The following CNTNAP5 variants were observed in gnomAD, a reference collection of about 807,000 sequenced individuals.
CNTNAP5 encodes the protein contactin-associated protein-like 5.
In CNTNAP5, 72 loss-of-function variants were observed where a neutral mutation model predicts 150.2. The observed-to-expected ratio is 0.48, with a 90% CI of 0.40 to 0.58. The LOEUF is 0.58. Among genes scored for constraint, CNTNAP5 ranks in the 20% least tolerant of loss-of-function variants. CNTNAP5 has a pLI of 0.00. For synonymous variants in CNTNAP5, 672 were observed against 619.8 expected (o/e 1.08, Z -1.25); for missense variants, 1,636 against 1,626.2 (o/e 1.01, Z -0.10).
At position 124,846,276 on chromosome 2, in the gene CNTNAP5, T is replaced by A. The variant is rs193213443; in HGVS notation, c.3218-19030T>A. 4.5e-4 allele frequency among the ~76,000 whole-genome samples: 69 copies of A among 152,202 alleles called. No individual in the cohort carries two copies. In the East Asian group the frequency reaches 5.2e-3, roughly 12 times the overall value. ...ATTTCATTGGTGGCTTTGTTCATTT[T>A]AAAAAAAATTTTTTTGTCTTTGTTG... is the stretch of plus-strand genomic sequence containing the variant. On this transcript the variant is annotated intron_variant, in intron 19 of 23. Transcript: ENST00000682447.
At chr2:124,729,465 TA>T in intron 13 of CNTNAP5, among the ~76,000 whole-genome samples, 1 of 152,070 alleles carries the variant, frequency 6.6e-6, no homozygotes, top group Non-Finnish European at 1.5e-5. Context: ...TCTGACTAGG[TA>T]AAAAGCATTA....
intron 3 of CNTNAP5, among the ~76,000 whole-genome samples, chr2:124,331,061 T>A (rs1689337911): frequency 6.6e-6 from 1 of 152,122 alleles, no homozygotes; most frequent in Admixed American, 6.6e-5. Context: ...AAACTCATAC[T>A]TGTCGGAGTC....
At chr2:124,358,318 T>G (rs1417428660) in intron 3 of CNTNAP5, among the ~76,000 whole-genome samples, 1 of 152,118 alleles carries the variant, frequency 6.6e-6, no homozygotes, top group Admixed American at 6.5e-5. Context: ...CTAATTGCCC[T>G]GGCCAGAACT....
intron 2 of CNTNAP5, among the ~76,000 whole-genome samples, chr2:124,238,931 G>A (rs776177169): frequency 3.3e-5 from 5 of 152,250 alleles, no homozygotes; most frequent in South Asian, 2.1e-4. Flanking sequence ...GCTGTAATGC[G>A]GGGAGCATCT....
At chr2:124,713,318 CCTTTCTTTCTTTCTT>C (rs1679868969) in intron 13 of CNTNAP5, among the ~76,000 whole-genome samples, 2 of 43,926 alleles carry the variant, frequency 4.6e-5, no homozygotes, top group Non-Finnish European at 9.2e-5. Flanking sequence ...CTCTTTCTTT[CCTTTCTTTCTTTCTT>C]TCTTTCTTTC....
chr2:124,558,126 AGGGG>A lies in CNTNAP5; in HGVS notation c.1650-5090_1650-5087del, dbSNP rs1256553376. Among the ~76,000 whole-genome samples the A allele has an allele frequency of 2.6e-5, 4 of 152,280 alleles. No individual in the cohort carries two copies. The East Asian group carries it at 7.7e-4, about 29-fold the overall frequency. On this transcript the variant is annotated intron_variant, in intron 10 of 23. Coordinates refer to ENST00000682447, the MANE Select transcript of CNTNAP5 (RefSeq NM_001367498.1). ...TGCTCTTGTGTTGGGAATTAACTGA[AGGGG>A]TCAAGGATGGAAGCTGGGAGACCAG...
intron 12 of CNTNAP5, among the ~76,000 whole-genome samples, chr2:124,636,652 GTC>G (rs766865703): frequency 0.012 from 1,841 of 148,446 alleles, 28 homozygotes; most frequent in African/African-American, 0.041. Flanking sequence ...GTGTGTGTGT[GTC>G]TGTGTGTGTC....
At chr2:124,796,011 A>G (rs547253268) in intron 18 of CNTNAP5, among the ~76,000 whole-genome samples, 1 of 152,152 alleles carries the variant, frequency 6.6e-6, no homozygotes, top group African/African-American at 2.4e-5. Context: ...AGATGCTCAG[A>G]TAACTCAACC....
At chr2:124,858,194 G>C (rs1677425536) in intron 19 of CNTNAP5, among the ~76,000 whole-genome samples, 1 of 152,170 alleles carries the variant, frequency 6.6e-6, no homozygotes, top group Non-Finnish European at 1.5e-5. Flanking sequence ...AGTGTTGGAA[G>C]TTCTGGCCAG....
intron 12 of CNTNAP5, among the ~76,000 whole-genome samples, chr2:124,642,553 G>A (rs1390414093): frequency 6.6e-6 from 1 of 152,202 alleles, no homozygotes; most frequent in East Asian, 1.9e-4. Context: ...AAGGAAAAGA[G>A]TGCACAGACT....
intron 1 of CNTNAP5, among the ~76,000 whole-genome samples, chr2:124,218,955 T>G (rs144010923): frequency 1.3e-5 from 2 of 152,188 alleles, no homozygotes; most frequent in Non-Finnish European, 2.9e-5. Flanking sequence ...AAAGCTATCC[T>G]GATTGCCTCT....
At chr2:124,538,824 A>T (rs1300780486) in intron 10 of CNTNAP5, among the ~76,000 whole-genome samples, 1 of 152,190 alleles carries the variant, frequency 6.6e-6, no homozygotes, top group Non-Finnish European at 1.5e-5. Flanking sequence ...TAAATTAATG[A>T]AAAGAATAAA....
chr2:124,774,365 G>T (rs1427467304), intron 17 of CNTNAP5, among the ~76,000 whole-genome samples: 3 of 152,150 alleles, frequency 2.0e-5, no homozygotes, highest in African/African-American at 7.2e-5. Flanking sequence ...AATCACACCA[G>T]CTAAAAGAAA....
At chr2:124,739,264 A>G (rs1680450946) in intron 13 of CNTNAP5, among the ~76,000 whole-genome samples, 1 of 152,138 alleles carries the variant, frequency 6.6e-6, no homozygotes, top group Non-Finnish European at 1.5e-5. Context: ...TATTAGACAT[A>G]TGTTCTGAAT....
chr2:124,038,880 G>T (rs964977899), intron 1 of CNTNAP5, among the ~76,000 whole-genome samples: 1 of 152,174 alleles, frequency 6.6e-6, no homozygotes, highest in Non-Finnish European at 1.5e-5. Context: ...CCTCAGTCAT[G>T]GTCCATGCCT....
At chr2:124,447,060 A>C in intron 6 of CNTNAP5, 123 bp downstream of exon 6, 1 of 873,436 alleles carries the variant, frequency 1.1e-6, no homozygotes, top group Non-Finnish European at 1.8e-6. Context: ...CCTGGGACTT[A>C]CTTCCTCCAT....
At position 124,335,745 on chromosome 2, in the gene CNTNAP5, T is replaced by C. The variant is rs527936069; in HGVS notation, c.382-81698T>C. Among the ~76,000 whole-genome samples the C allele has an allele frequency of 6.4e-4, 97 of 152,052 alleles. 1 individual carries two copies. The highest frequency in any genetic ancestry group is 2.2e-3 in the African/African-American group (92 of 41,486). On this transcript the variant is annotated intron_variant, in intron 3 of 23. Transcript: ENST00000682447. ...AGGAGGCTGACTGGTAAAGGTCTCT[T>C]ACCTTTTTGCCAGCTTGTCAGTCCT...
At chr2:124,371,664 G>A (rs1690530222) in intron 3 of CNTNAP5, among the ~76,000 whole-genome samples, 2 of 152,064 alleles carry the variant, frequency 1.3e-5, no homozygotes, top group African/African-American at 4.8e-5. Context: ...GTAGTAGCTG[G>A]TAAGATAAAG....
At chr2:124,455,902 A>G (rs1425242637) in intron 6 of CNTNAP5, among the ~76,000 whole-genome samples, 2 of 152,180 alleles carry the variant, frequency 1.3e-5, no homozygotes, top group Non-Finnish European at 2.9e-5. Context: ...ATTGGCATGC[A>G]AGGGACATAC....
Sources: allele counts gnomAD v4.1 joint callset (sites outside exome capture counted in the v4.1 genomes callset), GRCh38; gene constraint gnomAD v4.1.1; transcripts MANE v1.5; gene names NCBI Gene and HGNC (gene_info 2026-07-23, HGNC 2026-07-21).